The following DENND10 variants were observed in gnomAD, a reference collection of about 807,000 sequenced individuals.
DENND10 encodes DENN domain-containing protein 10.
Under a neutral mutation model 43.6 loss-of-function variants are expected in DENND10, and 24 were observed. The observed-to-expected ratio is 0.55, with a 90% CI of 0.40 to 0.77. The LOEUF is 0.77. Ranked by LOEUF, DENND10 falls within the 30% of genes least tolerant of loss-of-function variation. DENND10 has a pLI of 0.00. For synonymous variants in DENND10, 125 were observed against 157.6 expected (o/e 0.79, Z 1.55); for missense variants, 303 against 429.9 (o/e 0.70, Z 2.61).
At chr10:119,104,339 C>A in intron 1 of DENND10, 142 bp downstream of exon 1, 2 of 735,136 alleles carry the variant, frequency 2.7e-6, no homozygotes, top group Non-Finnish European at 4.1e-6. Context: ...TGGGCCTGGA[C>A]TGGGGACTGC....
intron 3 of DENND10, 53 bp from the exon 4 acceptor site, chr10:119,117,466 T>C: frequency 6.3e-7 from 1 of 1,590,674 alleles, no homozygotes; most frequent in Admixed American, 1.7e-5. Flanking sequence ...TGCACATCTG[T>C]ACATGATTTG....
rs1157637164 is a variant in DENND10, at chr10:119,137,079, G to A, written c.*432G>A. On this transcript the variant is annotated 3_prime_UTR_variant, in exon 9 of 9. Transcript: ENST00000361432. ...TAGGAAGAACTTTAATTCCTCCTGA[G>A]GAACTCTACTTTCTGAGCCAAACTG... is the stretch of plus-strand genomic sequence containing the variant. 1 of 166,840 alleles carries A rather than the reference G, an allele frequency of 6.0e-6. No individual in the cohort carries two copies. Among genetic ancestry groups the A allele is most frequent in the Non-Finnish European group, 1.5e-5 (1 of 68,888 alleles). The allele number at this position is 166,840 out of a possible 1,614,324, so 10.3% of individuals were successfully genotyped here.
At chr10:119,127,734 C>T (rs949720321) in intron 6 of DENND10, among the ~76,000 whole-genome samples, 4 of 151,964 alleles carry the variant, frequency 2.6e-5, no homozygotes, top group Admixed American at 6.6e-5. Flanking sequence ...GCAATCCACC[C>T]GCCTCAGCCT....
At chr10:119,113,215 G>C (rs1158631039) in intron 3 of DENND10, among the ~76,000 whole-genome samples, 3 of 148,876 alleles carry the variant, frequency 2.0e-5, no homozygotes, top group African/African-American at 7.4e-5. Context: ...TTAGCGACAC[G>C]GTCTTGCTCT....
At chr10:119,104,380 G>A (rs1844580475) in intron 1 of DENND10, among the ~76,000 whole-genome samples, 183 bp downstream of exon 1, 1 of 151,392 alleles carries the variant, frequency 6.6e-6, no homozygotes, top group South Asian at 2.1e-4. Flanking sequence ...CAGGGGACCC[G>A]GCCCGCCGCC....
intron 5 of DENND10, 97 bp downstream of exon 5, chr10:119,120,549 TA>T: frequency 1.3e-6 from 1 of 778,752 alleles, no homozygotes; most frequent in Non-Finnish European, 2.2e-6. Flanking sequence ...ACATTTGCTA[TA>T]AATAGCATGT....
intron 2 of DENND10, among the ~76,000 whole-genome samples, 178 bp from the exon 3 acceptor site, chr10:119,111,669 GTA>G (rs1269646114): frequency 6.6e-6 from 1 of 151,990 alleles, no homozygotes. Context: ...CAATATATAT[GTA>G]TATGTAATAC....
intron 6 of DENND10, among the ~76,000 whole-genome samples, chr10:119,125,657 AC>A (rs765962954): frequency 2.6e-5 from 4 of 151,186 alleles, no homozygotes; most frequent in Non-Finnish European, 5.9e-5. Context: ...ACAGGTGTGC[AC>A]CACCATGCCC....
At chr10:119,131,262 G>T (rs527997269) in intron 7 of DENND10, among the ~76,000 whole-genome samples, 63 of 152,238 alleles carry the variant, frequency 4.1e-4, no homozygotes, top group East Asian at 9.7e-4. Context: ...ATCGGGACCA[G>T]CCTGGCTAAC....
In DENND10 at chr10:119,132,747, C is replaced by T. The variant is rs186003260; in HGVS notation, c.897+138C>T. On this transcript the variant is annotated intron_variant, in intron 8 of 8. Transcript: ENST00000361432. The surrounding 1 kb of genome is among the most constrained non-coding windows in gnomAD (Gnocchi z 4.2). ...CAGGTGCTTAGAGAGGGTTTACAGA[C>T]GGCCACAGTGATGATGGACAAGCAG... 62 of 712,738 alleles carry T rather than the reference C, an allele frequency of 8.7e-5. No homozygotes were observed. The East Asian group carries it at 1.0e-3, about 11-fold the overall frequency. 44.2% of individuals were successfully genotyped at this position (712,738 alleles called of 1,614,324 possible). A position where few individuals can be genotyped will look rare whatever the true frequency, so the allele number is the denominator to read the frequency against.
intron 3 of DENND10, among the ~76,000 whole-genome samples, chr10:119,113,342 A>C (rs796968658): frequency 6.6e-6 from 1 of 151,482 alleles, no homozygotes; most frequent in Non-Finnish European, 1.5e-5. Context: ...GGTGTGTGCC[A>C]CTGCTCCTGG....
intron 3 of DENND10, among the ~76,000 whole-genome samples, chr10:119,112,185 C>A (rs549844988): frequency 6.6e-6 from 1 of 152,102 alleles, no homozygotes; most frequent in African/African-American, 2.4e-5. Flanking sequence ...TGAATCACTT[C>A]CTACTTTTGA....
intron 4 of DENND10, among the ~76,000 whole-genome samples, chr10:119,117,922 G>A (rs545066574): frequency 6.6e-6 from 1 of 152,060 alleles, no homozygotes; most frequent in South Asian, 2.1e-4. Context: ...AGCCGAGATT[G>A]TGCCACTGCA....
chr10:119,135,183 AAAAAG>A (rs1564803831), intron 8 of DENND10: 2 of 129,164 alleles, frequency 1.5e-5, no homozygotes, highest in Non-Finnish European at 1.8e-5. Context: ...AAAAAAAAAA[AAAAAG>A]AAAAAGAAAA....
intron 6 of DENND10, 63 bp downstream of exon 6, chr10:119,123,632 G>A (rs919513759): frequency 1.5e-5 from 18 of 1,211,310 alleles, no homozygotes; most frequent in East Asian, 2.5e-5. Flanking sequence ...TTCCTGAGAC[G>A]GATTTTCACT....
In DENND10 at chr10:119,120,796, A is replaced by T. The variant is rs575831151; in HGVS notation, c.593+344A>T. Among the ~76,000 whole-genome samples, 7 of 152,320 alleles carry T rather than the reference A, an allele frequency of 4.6e-5. No individual in the cohort carries two copies. The South Asian group carries it at 6.2e-4, about 14-fold the overall frequency. On this transcript the variant is annotated intron_variant, in intron 5 of 8. Coordinates refer to ENST00000361432, the MANE Select transcript of DENND10 (RefSeq NM_207009.4). ...TAAATGACTCAGCATGGCTGTGGTCAATGAAATTTTATTTTCAAGGACAGG... is the reference window on the plus strand; with the variant it reads ...TAAATGACTCAGCATGGCTGTGGTCTATGAAATTTTATTTTCAAGGACAGG...
At chr10:119,126,891 CTTTT>C in intron 6 of DENND10, among the ~76,000 whole-genome samples, 1 of 150,606 alleles carries the variant, frequency 6.6e-6, no homozygotes, top group African/African-American at 2.4e-5. Flanking sequence ...TTTTCTTTCT[CTTTT>C]TCTTTTCTTT....
At position 119,111,839 on chromosome 10, in the gene DENND10, T is replaced by G. The variant is rs201412130; in HGVS notation, c.253-10T>G. Reference sequence around the variant, plus strand: ...AAAAAGTGTATTTTTTTGTTGTTTCTTTTGAACAGGTGACTCATTTTTCTA... The same window carrying G: ...AAAAAGTGTATTTTTTTGTTGTTTCGTTTGAACAGGTGACTCATTTTTCTA... On this transcript the variant is annotated splice_polypyrimidine_tract_variant and intron_variant, in intron 2 of 8. Transcript: ENST00000361432. 10 of 1,606,040 alleles carry G rather than the reference T, an allele frequency of 6.2e-6. No individual in the cohort carries two copies. The highest frequency in any genetic ancestry group is 8.5e-6 in the Non-Finnish European group (10 of 1,173,380).
intron 6 of DENND10, 52 bp from the exon 7 acceptor site, chr10:119,129,463 G>T (rs1305280414): frequency 1.0e-5 from 12 of 1,203,010 alleles, no homozygotes; most frequent in African/African-American, 1.5e-5. Flanking sequence ...CTTTTGATGG[G>T]TTCACCATAT....
Sources: allele counts gnomAD v4.1 joint callset (sites outside exome capture counted in the v4.1 genomes callset), GRCh38; gene constraint gnomAD v4.1.1; non-coding constraint Gnocchi (gnomAD v3.1); transcripts MANE v1.5; gene names NCBI Gene and HGNC (gene_info 2026-07-23, HGNC 2026-07-21).